PCDH20: variants seen among roughly 807,000 people sequenced by gnomAD.
PCDH20 encodes the protein protocadherin-20.
PCDH20 carries 18 observed loss-of-function variants against 39.7 expected under a neutral mutation model. That is an observed-to-expected ratio of 0.45 (90% CI 0.31 to 0.67). PCDH20 has a LOEUF of 0.67. Among genes scored for constraint, PCDH20 ranks in the 30% least tolerant of loss-of-function variants. The probability of loss-of-function intolerance (pLI) is 0.05; values close to 1 mark genes in which losing one functional copy is unlikely to be tolerated. For missense variants in PCDH20, 1,161 were observed against 1,167.4 expected (o/e 0.99, Z 0.08); for synonymous variants, 495 against 455.4 (o/e 1.09, Z -1.11).
At chr13:61,415,174 A>G in exon 1 of PCDH20, 1 of 1,402,898 alleles carries the variant, frequency 7.1e-7, no homozygotes, top group Non-Finnish European at 9.4e-7. Context: ...GGGAGGCTGC[A>G]GTCAGAGCGC....
rs778880809 is a variant in PCDH20, at chr13:61,413,633, C to G, written c.466G>C (p.Gly156Arg). ...CCGCTCCACGCAGTCCCTCCACCCC[C>G]TTCAACACACAGGGCCTCCCTGTCG... is the stretch of plus-strand genomic sequence containing the variant. Residue 156 changes from glycine to arginine, a missense_variant, in exon 2 of 2, where the codon GGG (glycine) becomes CGG (arginine). Physicochemically the swap from Gly to Arg is moderately radical, Grantham distance 125. This residue lies in a region of PCDH20 where 401 missense variants were observed against 368.7 expected (regional missense o/e 1.09). Coordinates refer to ENST00000409204, the Ensembl canonical transcript of PCDH20. The G allele has an allele frequency of 4.3e-6, 7 of 1,614,092 alleles. No homozygotes were observed. The Admixed American group carries it at 5.0e-5, about 12-fold the overall frequency.
chr13:61,414,348 A>C (rs1871489855), intron 1 of PCDH20, among the ~76,000 whole-genome samples: 1 of 152,034 alleles, frequency 6.6e-6, no homozygotes, highest in Non-Finnish European at 1.5e-5. Context: ...GGTGATGGGG[A>C]GGGAGGGGGC....
At chr13:61,413,298 C>G in exon 2 of PCDH20, 1 of 1,614,112 alleles carries the variant, frequency 6.2e-7, no homozygotes, top group Non-Finnish European at 8.5e-7. Context: ...AGGGGGTGCG[C>G]TCCCCATTCT....
At chr13:61,411,621 A>T in exon 2 of PCDH20, 1 of 1,614,192 alleles carries the variant, frequency 6.2e-7, no homozygotes, top group African/African-American at 1.3e-5. Flanking sequence ...GATAACCATG[A>T]TCACTCACTT....
exon 2 of PCDH20, chr13:61,409,857 A>G (rs1408751261): frequency 1.3e-5 from 2 of 152,166 alleles, no homozygotes; most frequent in African/African-American, 2.4e-5. Context: ...TGAGAAAGAA[A>G]TTATGAAAAT....
At position 61,411,945 on chromosome 13, in the gene PCDH20, AC is replaced by A; in HGVS notation, c.2153del (p.Gly718ValfsTer16). The A allele has an allele frequency of 6.2e-7, 1 of 1,613,998 alleles. No homozygotes were observed. Among genetic ancestry groups the A allele is most frequent in the Non-Finnish European group, 8.5e-7 (1 of 1,179,984 alleles). ...TTGCTGTAGAGGAGAGGGCAGGCTC[AC>A]CCCCATCAACAGCTTCAACCCACAA... On this transcript the variant is annotated frameshift_variant, in exon 2 of 2. Transcript: ENST00000409204. LOFTEE classifies it low-confidence loss of function (END_TRUNC).
exon 2 of PCDH20, chr13:61,411,439 A>G: frequency 6.2e-7 from 1 of 1,614,132 alleles, no homozygotes; most frequent in Middle Eastern, 1.6e-4. Flanking sequence ...TAAGGTGGGC[A>G]TACAAGACAC....
At chr13:61,410,717 C>A (rs1179963742) in exon 2 of PCDH20, 1 of 152,624 alleles carries the variant, frequency 6.6e-6, no homozygotes, top group Non-Finnish European at 1.5e-5. Flanking sequence ...ATTCTGTTTA[C>A]AAGTGCATTT....
exon 2 of PCDH20, chr13:61,413,520 C>T (rs757383158): frequency 5.0e-6 from 8 of 1,613,900 alleles, no homozygotes; most frequent in Non-Finnish European, 6.8e-6. Flanking sequence ...TCTTCACCTT[C>T]ACAAACCTGA....
chr13:61,409,925 C>T (rs1346295793), exon 2 of PCDH20: 7 of 151,902 alleles, frequency 4.6e-5, no homozygotes, highest in Non-Finnish European at 8.8e-5. Context: ...ATGCATGATG[C>T]CAAAAAGTAA....
exon 2 of PCDH20, chr13:61,411,686 T>C: frequency 6.2e-7 from 1 of 1,614,066 alleles, no homozygotes; most frequent in Non-Finnish European, 8.5e-7. Flanking sequence ...TCTTCCAAAG[T>C]AATGTTGCCA....
At chr13:61,411,752 T>C in exon 2 of PCDH20, 1 of 1,614,198 alleles carries the variant, frequency 6.2e-7, no homozygotes, top group East Asian at 2.2e-5. Flanking sequence ...CCTATGATGC[T>C]GTAAGCTATG....
chr13:61,413,502 G>A (rs1016172171), exon 2 of PCDH20: 6 of 1,613,834 alleles, frequency 3.7e-6, no homozygotes, highest in South Asian at 1.1e-5. Context: ...TGATGTCTCT[G>A]ATGGCGATCT....
chr13:61,411,868 A>C (rs1878253009), exon 2 of PCDH20: 1 of 1,614,040 alleles, frequency 6.2e-7, no homozygotes, highest in Admixed American at 1.7e-5. Context: ...AGACTGAGGA[A>C]ACAAAACAAG....
intron 1 of PCDH20, among the ~76,000 whole-genome samples, chr13:61,414,203 C>G (rs1871486301): frequency 6.6e-6 from 1 of 152,150 alleles, no homozygotes; most frequent in South Asian, 2.1e-4. Flanking sequence ...CGCCTTCCCC[C>G]CTCGTTTCCC....
Position 61,414,933 on chromosome 13 carries a change from A to G in PCDH20, c.132+94T>C, listed in dbSNP as rs140880065. 376 of 1,262,606 alleles carry G rather than the reference A, an allele frequency of 3.0e-4. 5 individuals carry two copies. In the East Asian group the frequency reaches 8.2e-3, roughly 27 times the overall value. The allele number at this position is 1,262,606 out of a possible 1,614,324, so 78.2% of individuals were successfully genotyped here. A position where few individuals can be genotyped will look rare whatever the true frequency, so the allele number is the denominator to read the frequency against. ...GCCATCCTTCCCGTGAAGTTTAGAT[A>G]AAGGTAGAAGGTTTGAAAAACCATC... is the stretch of plus-strand genomic sequence containing the variant. On this transcript the variant is annotated intron_variant, in intron 1 of 1. Transcript: ENST00000409204.
Position 61,413,708 on chromosome 13 carries a change from C to G in PCDH20, c.391G>C (p.Val131Leu), listed in dbSNP as rs533937930. Residue 131 changes from valine to leucine, a missense_variant, in exon 2 of 2, where the codon GTG becomes CTG. Physicochemically the swap from Val to Leu is conservative, Grantham distance 32. Coordinates refer to ENST00000409204, the Ensembl canonical transcript of PCDH20. ...TCCCCAGAGCGGTTGTCTAGGGTCACGTACTGGCCACTCAGTCCCCGGGAG... is the reference window on the plus strand; with the variant it reads ...TCCCCAGAGCGGTTGTCTAGGGTCAGGTACTGGCCACTCAGTCCCCGGGAG... 3.1e-6 allele frequency: 5 copies of G among 1,613,832 alleles called. No homozygotes were observed. The Admixed American group carries it at 5.0e-5, about 16-fold the overall frequency.
At position 61,411,275 on chromosome 13, in the gene PCDH20, C is replaced by T. The variant is rs968432548; in HGVS notation, c.2824G>A (p.Glu942Lys). The T allele has an allele frequency of 3.1e-6, 5 of 1,613,434 alleles. No homozygotes were observed. In the African/African-American group the frequency reaches 6.7e-5, roughly 22 times the overall value. The change falls in exon 2 of 2, where the codon GAG (glutamate) becomes AAG (lysine). Residue 942 changes from glutamate to lysine, a missense_variant. Transcript: ENST00000409204. Reference sequence around the variant, plus strand: ...TTAGAAATATCCATTGGCTTTCTCTCTCGCATATGCAAGTCAATTTTTCCT... The same window carrying T: ...TTAGAAATATCCATTGGCTTTCTCTTTCGCATATGCAAGTCAATTTTTCCT...
chr13:61,414,229 C>T (rs900594794), intron 1 of PCDH20, among the ~76,000 whole-genome samples: 1 of 152,066 alleles, frequency 6.6e-6, no homozygotes, highest in African/African-American at 2.4e-5. Context: ...CCACCCTCAT[C>T]CAGCTAACAT....
Sources: allele counts gnomAD v4.1 joint callset (sites outside exome capture counted in the v4.1 genomes callset), GRCh38; gene constraint gnomAD v4.1.1; regional missense constraint gnomAD v4.1.1; transcripts MANE v1.5; gene names NCBI Gene and HGNC (gene_info 2026-07-23, HGNC 2026-07-21).